LARP4: variants seen among roughly 807,000 people sequenced by gnomAD.
LARP4 encodes the protein La ribonucleoprotein 4.
LARP4 carries 29 observed loss-of-function variants against 92.9 expected under a neutral mutation model. The observed-to-expected ratio is 0.31, with a 90% CI of 0.23 to 0.43. LARP4 has a LOEUF of 0.43. LARP4 is among the 20% of genes least tolerant of loss of function. The pLI is 1.00. For missense variants in LARP4, 732 were observed against 860.0 expected (o/e 0.85, Z 1.86); for synonymous variants, 279 against 284.1 (o/e 0.98, Z 0.18).
rs1565984672 is a variant in LARP4 at position 50,426,231 on chromosome 12, G to A, written c.19-1531G>A. Among the ~76,000 whole-genome samples the A allele has an allele frequency of 3.9e-5, 6 of 152,130 alleles. No homozygotes were observed. The South Asian group carries it at 1.0e-3, about 26-fold the overall frequency. ...GTCCTCAGATGGCACACTAGGGTGG[G>A]CTTGCTGGTGGGTAGGCATCCCACC... On this transcript the variant is annotated intron_variant, in intron 1 of 15. Transcript: ENST00000398473.
chr12:50,458,856 T>A (rs189307411), intron 10 of LARP4, among the ~76,000 whole-genome samples: 19 of 152,364 alleles, frequency 1.2e-4, no homozygotes, highest in Admixed American at 3.3e-4. Context: ...GCAGATTGGT[T>A]GGTTTAACCA....
At chr12:50,432,155 T>A (rs1949752129) in intron 4 of LARP4, among the ~76,000 whole-genome samples, 2 of 152,336 alleles carry the variant, frequency 1.3e-5, no homozygotes, top group African/African-American at 2.4e-5. Context: ...GGTCTGCTTC[T>A]ATTGTCTGGG....
intron 10 of LARP4, 51 bp downstream of exon 10, chr12:50,454,468 C>A: frequency 7.6e-7 from 1 of 1,315,198 alleles, no homozygotes; most frequent in Non-Finnish European, 1.1e-6. Context: ...CCTAATGGAT[C>A]TTAAGGCATT....
In LARP4 at chr12:50,430,531, A is replaced by G; in HGVS notation, c.359A>G (p.Lys120Arg). 6.2e-7 allele frequency: 1 copy of G among 1,608,426 alleles called. No homozygotes were observed. The highest frequency in any genetic ancestry group is 8.5e-7 in the Non-Finnish European group (1 of 1,176,330). The change falls in exon 4 of 16, where the codon AAA (lysine) becomes AGA (arginine). Residue 120 changes from lysine (K) to arginine (R), a missense_variant. Around this residue, in one of 7 missense-constraint regions of LARP4, gnomAD observed 236 missense variants for 307.6 expected, o/e 0.77. Coordinates refer to ENST00000398473, the MANE Select transcript of LARP4 (RefSeq NM_052879.5). ...SNSAVSTEDL[K>R]ECLKKQLEFC... ...TCAGCAGTTTCTACAGAAGACCTAA[A>G]AGAATGTCTGAAGAAACAATTAGAA...
intron 1 of LARP4, among the ~76,000 whole-genome samples, chr12:50,408,492 C>T (rs774994688): frequency 1.8e-4 from 28 of 152,104 alleles, no homozygotes; most frequent in East Asian, 3.9e-4. Flanking sequence ...CCACCGCACC[C>T]GGCGAGAAAA....
chr12:50,435,384 ATCT>A (rs1950257434), intron 4 of LARP4, 101 bp from the exon 5 acceptor site: 2 of 708,520 alleles, frequency 2.8e-6, no homozygotes, highest in Non-Finnish European at 4.8e-6. Context: ...TGATAGAATA[ATCT>A]TATTTCCATG....
chr12:50,441,114 A>T (rs1951142319), intron 7 of LARP4, among the ~76,000 whole-genome samples: 1 of 151,762 alleles, frequency 6.6e-6, no homozygotes, highest in Admixed American at 6.6e-5. Flanking sequence ...CAAACTCCTG[A>T]CCTCGTGATT....
At chr12:50,428,556 T>C (rs1343677917) in intron 2 of LARP4, among the ~76,000 whole-genome samples, 3 of 152,174 alleles carry the variant, frequency 2.0e-5, no homozygotes, top group Admixed American at 2.0e-4. Flanking sequence ...TCTACCATCA[T>C]TGACTCTGCT....
intron 1 of LARP4, among the ~76,000 whole-genome samples, chr12:50,419,723 T>G (rs957983355): frequency 3.3e-5 from 5 of 151,968 alleles, no homozygotes; most frequent in Non-Finnish European, 4.4e-5. Flanking sequence ...CTAGACAACA[T>G]AGCCACACCC....
At position 50,447,031 on chromosome 12, in the gene LARP4, T is replaced by A. The variant is rs866200475; in HGVS notation, c.804+5388T>A. ...ATGCTTTCACATGTGTTATTTCATT[T>A]GATATTCCCAGCAACTTGGTGTGCC... On this transcript the variant is annotated intron_variant, in intron 8 of 15. Coordinates refer to ENST00000398473, the MANE Select transcript of LARP4 (RefSeq NM_052879.5). Among the ~76,000 whole-genome samples the A allele has an allele frequency of 3.3e-5, 5 of 152,306 alleles. No homozygotes were observed. In the Middle Eastern group the frequency reaches 0.01, roughly 311 times the overall value.
At chr12:50,474,202 T>C in intron 15 of LARP4, 35 bp downstream of exon 15, 1 of 1,483,800 alleles carries the variant, frequency 6.7e-7, no homozygotes, top group Non-Finnish European at 9.2e-7. Context: ...TTAAAAAAAA[T>C]ACAATAGATT....
At chr12:50,411,352 T>A (rs1252232208) in intron 1 of LARP4, among the ~76,000 whole-genome samples, 1 of 152,018 alleles carries the variant, frequency 6.6e-6, no homozygotes, top group Non-Finnish European at 1.5e-5. Context: ...TTTTTAAAAA[T>A]TTTTATTTAT....
At position 50,408,187 on chromosome 12, in the gene LARP4, C is replaced by CTTT. The variant is rs71083565; in HGVS notation, c.18+7183_18+7185dup. Reference sequence around the variant, plus strand: ...TGAGAGAAGAGAAAAGGATTTTCTGCTTTTTTTTTTTTTTTTTTTTTTTTT... The same window carrying CTTT: ...TGAGAGAAGAGAAAAGGATTTTCTGCTTTTTTTTTTTTTTTTTTTTTTTTTTTT... On this transcript the variant is annotated intron_variant, in intron 1 of 15. Transcript: ENST00000398473. Among the ~76,000 whole-genome samples the CTTT allele has an allele frequency of 9.4e-4, 65 of 69,256 alleles. 11 individuals carry two copies. Among genetic ancestry groups the CTTT allele is most frequent in the Admixed American group, 1.0e-3 (4 of 3,982 alleles). The allele number at this position is 69,256 out of a possible 152,430, so 45.4% of individuals were successfully genotyped here.
At chr12:50,425,621 T>A (rs1948592436) in intron 1 of LARP4, among the ~76,000 whole-genome samples, 1 of 152,168 alleles carries the variant, frequency 6.6e-6, no homozygotes, top group Non-Finnish European at 1.5e-5. Context: ...TTCAGCATCT[T>A]CATCATCTCT....
rs567584929 is a variant in LARP4 at position 50,405,179 on chromosome 12, G to A, written c.18+4151G>A. ...CTCCTAAAGTGCTGGGATTATAGGCGTGAGCCACCGCGCCTGGCAGATTTT... is the reference window on the plus strand; with the variant it reads ...CTCCTAAAGTGCTGGGATTATAGGCATGAGCCACCGCGCCTGGCAGATTTT... On this transcript the variant is annotated intron_variant, in intron 1 of 15. Coordinates refer to ENST00000398473, the MANE Select transcript of LARP4 (RefSeq NM_052879.5). Among the ~76,000 whole-genome samples, 2 of 152,066 alleles carry A rather than the reference G, an allele frequency of 1.3e-5. 1 individual carries two copies. Among genetic ancestry groups the A allele is most frequent in the African/African-American group, 4.8e-5 (2 of 41,498 alleles).
chr12:50,454,592 AC>A (rs954544013), intron 10 of LARP4, 175 bp downstream of exon 10: 3 of 454,536 alleles, frequency 6.6e-6, no homozygotes, highest in African/African-American at 6.0e-5. Context: ...AAACACTTTG[AC>A]CTTTGAGTTG....
chr12:50,474,425 G>A (rs1957320985), intron 15 of LARP4, among the ~76,000 whole-genome samples: 1 of 152,052 alleles, frequency 6.6e-6, no homozygotes, highest in African/African-American at 2.4e-5. Flanking sequence ...TCGCGTCACT[G>A]CAAGCTCCGC....
In LARP4 at chr12:50,430,492, C is replaced by G. The variant is rs77680811; in HGVS notation, c.323-3C>G. ...TTTTTTCCCTCTTCTTTTCTACCAT[C>G]AGGAGAAAGCAATTCAGCAGTTTCT... On this transcript the variant is annotated splice_polypyrimidine_tract_variant and splice_region_variant and intron_variant, in intron 3 of 15. Transcript: ENST00000398473. 91,489 of 1,570,470 alleles carry G rather than the reference C, an allele frequency of 0.058. 10,093 individuals are homozygous for G. The highest frequency in any genetic ancestry group is 0.47 in the East Asian group (20,793 of 44,320).
chr12:50,432,095 C>G (rs1037605986), intron 4 of LARP4, among the ~76,000 whole-genome samples: 1 of 151,958 alleles, frequency 6.6e-6, no homozygotes, highest in African/African-American at 2.4e-5. Context: ...GAGGTTGCAG[C>G]ACTGCACTCC....
Sources: allele counts gnomAD v4.1 joint callset (sites outside exome capture counted in the v4.1 genomes callset), GRCh38; gene constraint gnomAD v4.1.1; regional missense constraint gnomAD v4.1.1; transcripts MANE v1.5; gene names NCBI Gene and HGNC (gene_info 2026-07-23, HGNC 2026-07-21).